The following STK11 variants were observed in gnomAD, a reference collection of about 807,000 sequenced individuals.
The protein encoded by STK11 is serine/threonine kinase 11, also known as serine/threonine-protein kinase STK11.
In STK11, 8 loss-of-function variants were observed where a neutral mutation model predicts 47.3. That is an observed-to-expected ratio of 0.17 (90% confidence interval 0.10 to 0.31). The LOEUF (loss-of-function observed/expected upper bound fraction) is 0.31, where lower values mean the gene tolerates loss of function less well. Among genes scored for constraint, STK11 ranks in the 10% least tolerant of loss-of-function variants. The pLI is 1.00. For synonymous variants in STK11, 330 were observed against 255.8 expected, an observed-to-expected ratio of 1.29 and a Z score of -2.77; for missense variants, 475 against 605.0, an observed-to-expected ratio of 0.79 and a Z score of 2.25.
At chr19:1,222,652 C>G (rs2080793241) in intron 7 of STK11, among the ~76,000 whole-genome samples, 1 of 152,178 alleles carries the variant, frequency 6.6e-6, no homozygotes, top group South Asian at 2.1e-4. Flanking sequence ...CCCCGATAGC[C>G]TCCTGGGCTG....
At chr19:1,227,460 G>GCCT in intron 9 of STK11, 133 bp from the exon 10 acceptor site, 14 of 985,106 alleles carry the variant, frequency 1.4e-5, no homozygotes, top group Non-Finnish European at 1.7e-5. Context: ...GCCTTCCCTG[G>GCCT]CCTCCCCTGC....
Position 1,221,267 on chromosome 19 carries a change from G to A in STK11, c.789G>A (p.Leu263=), listed in dbSNP as rs1555738654. Residue 263 remains leucine (L), a synonymous_variant, in exon 6 of 10, where the codon TTG becomes TTA. Transcript: ENST00000326873. ...TCGAAGGGGACAACATCTACAAGTT[G>A]TTTGAGAACATCGGGAAGGGGAGCT... The part of the protein sequence containing the change: ...YPFEGDNIYK[L]FENIGKGSYA... 6.2e-6 allele frequency: 10 copies of A among 1,612,386 alleles called. No individual in the cohort carries two copies. The highest frequency in any genetic ancestry group is 8.5e-6 in the Non-Finnish European group (10 of 1,179,560).
intron 1 of STK11, among the ~76,000 whole-genome samples, chr19:1,215,660 A>C (rs1380944004): frequency 6.6e-6 from 1 of 152,160 alleles, no homozygotes; most frequent in East Asian, 1.9e-4. Context: ...CTGGGAGGGA[A>C]AGGTGAGCCA....
Position 1,206,603 on chromosome 19 carries a change from C to T in STK11, c.-311C>T, listed in dbSNP as rs149756065. 0.013 allele frequency: 6,118 copies of T among 463,480 alleles called. 74 individuals carry two copies. The highest frequency in any genetic ancestry group is 0.019 in the Non-Finnish European group (4,984 of 259,824). 28.7% of individuals were successfully genotyped at this position (463,480 alleles called of 1,614,324 possible). A position where few individuals can be genotyped will look rare whatever the true frequency, so the allele number is the denominator to read the frequency against. ...CAGGGTCCCCGAGGACGAAGTTGAC[C>T]CTGACCGGGCCGTCTCCCAGTTCTG... On this transcript the variant is annotated 5_prime_UTR_variant, in exon 1 of 10. Transcript: ENST00000326873.
At chr19:1,221,790 G>C in intron 6 of STK11, 159 bp from the exon 7 acceptor site, 1 of 752,392 alleles carries the variant, frequency 1.3e-6, no homozygotes, top group Non-Finnish European at 2.2e-6. Flanking sequence ...CCCAGGAGTG[G>C]AGTGGCCTCT....
chr19:1,224,631 G>A (rs1197475239), intron 8 of STK11: 5 of 985,500 alleles, frequency 5.1e-6, no homozygotes, highest in South Asian at 4.7e-5. Context: ...GCCAGGACCC[G>A]GCACTGGCTT....
At chr19:1,209,980 T>A (rs543788000) in intron 1 of STK11, among the ~76,000 whole-genome samples, 6 of 152,268 alleles carry the variant, frequency 3.9e-5, no homozygotes, top group African/African-American at 1.4e-4. Context: ...GTGTTCAGCG[T>A]CCAATTTCAT....
intron 3 of STK11, among the ~76,000 whole-genome samples, chr19:1,219,746 C>T (rs969960322): frequency 1.3e-4 from 20 of 152,236 alleles, no homozygotes; most frequent in South Asian, 6.2e-4. Flanking sequence ...GGGGTTTCAC[C>T]GTGTTAGCCA....
intron 8 of STK11, chr19:1,224,137 G>T: frequency 1.0e-6 from 1 of 988,580 alleles, no homozygotes; most frequent in African/African-American, 1.7e-5. Context: ...TCAGTAGCTG[G>T]TCCCCAGGAG....
intron 1 of STK11, among the ~76,000 whole-genome samples, chr19:1,217,455 C>T (rs2080751922): frequency 6.6e-6 from 1 of 152,154 alleles, no homozygotes; most frequent in Non-Finnish European, 1.5e-5. Flanking sequence ...CCGCCTCGGC[C>T]TCCTATAGTG....
At chr19:1,223,767 C>T (rs2080802386) in intron 8 of STK11, 3 of 1,039,486 alleles carry the variant, frequency 2.9e-6, no homozygotes, top group Non-Finnish European at 3.5e-6. Context: ...AGCTCAGGGC[C>T]TTAGCGTAGG....
At position 1,220,598 on chromosome 19, in the gene STK11, G is replaced by A. The variant is rs532889728; in HGVS notation, c.615G>A (p.Ala205=). ...CGCCACAGGCACTGCACCCGTTCGC[G>A]GCGGACGACACCTGCCGGACCAGCC... ...LGVAEALHPF[A]ADDTCRTSQG... The change falls in exon 5 of 10, where the codon GCG becomes GCA. Residue 205 remains alanine, a synonymous_variant. Transcript: ENST00000326873. The A allele has an allele frequency of 3.4e-5, 54 of 1,591,442 alleles. No homozygotes were observed. The highest frequency in any genetic ancestry group is 9.1e-5 in the East Asian group (4 of 43,752).
intron 7 of STK11, 141 bp from the exon 8 acceptor site, chr19:1,222,844 G>A: frequency 1.1e-6 from 1 of 952,066 alleles, no homozygotes; most frequent in African/African-American, 1.7e-5. Flanking sequence ...CTGAGCTTCT[G>A]TGGTCACAGC....
At chr19:1,226,196 C>G (rs180903366) in intron 8 of STK11, 1 of 1,335,978 alleles carries the variant, frequency 7.5e-7, no homozygotes, top group African/African-American at 1.5e-5. Context: ...GTCCCACCTG[C>G]GGCCATGGCA....
In STK11 at chr19:1,219,225, G is replaced by T. The variant is rs78995829; in HGVS notation, c.375-99G>T. The T allele has an allele frequency of 0.013, 18,123 of 1,383,904 alleles. 487 individuals carry two copies. Among genetic ancestry groups the T allele is most frequent in the East Asian group, 0.12 (4,944 of 39,632 alleles). The allele number at this position is 1,383,904 out of a possible 1,614,324, so 85.7% of individuals were successfully genotyped here. On this transcript the variant is annotated intron_variant, in intron 2 of 9. Coordinates refer to ENST00000326873, the MANE Select transcript of STK11 (RefSeq NM_000455.5). ...CCCTGGTCCCGAGGAGGGGCAAGGTGGGTGCAGAGGGTCCCTCCAGAGCCC... is the reference window on the plus strand; with the variant it reads ...CCCTGGTCCCGAGGAGGGGCAAGGTTGGTGCAGAGGGTCCCTCCAGAGCCC...
At chr19:1,218,339 G>A in intron 1 of STK11, 78 bp from the exon 2 acceptor site, 1 of 1,181,870 alleles carries the variant, frequency 8.5e-7, no homozygotes, top group Admixed American at 1.7e-5. Context: ...ACAGGGAGAT[G>A]GGGAGGCCGA....
chr19:1,226,396 C>A, intron 8 of STK11, 58 bp from the exon 9 acceptor site: 1 of 1,577,720 alleles, frequency 6.3e-7, no homozygotes, highest in Non-Finnish European at 8.6e-7. Context: ...CAGCCAGGTC[C>A]CTGTGGCTCT....
chr19:1,223,213 G>C (rs1226277552), intron 8 of STK11, 41 bp downstream of exon 8: 2 of 1,584,596 alleles, frequency 1.3e-6, no homozygotes, highest in South Asian at 2.3e-5. Context: ...TGCTGACTCG[G>C]CCAGGATGTC....
intron 8 of STK11, chr19:1,226,120 G>A (rs1262359418): frequency 3.5e-6 from 4 of 1,153,426 alleles, no homozygotes; most frequent in African/African-American, 1.6e-5. Context: ...AGGGGAGCAC[G>A]GGAGGGTCCT....
Sources: allele counts gnomAD v4.1 joint callset (sites outside exome capture counted in the v4.1 genomes callset), GRCh38; gene constraint gnomAD v4.1.1; transcripts MANE v1.5; gene names NCBI Gene and HGNC (gene_info 2026-07-23, HGNC 2026-07-21).